Variants in NRXN3 observed in about 807,000 individuals in gnomAD.
NRXN3 encodes the protein neurexin 3, also known as neurexin III.
NRXN3 carries 32 observed loss-of-function variants against 137.6 expected under a neutral mutation model. That is an observed-to-expected ratio of 0.23 (90% confidence interval 0.18 to 0.31). NRXN3 has a LOEUF of 0.31. Ranked by LOEUF, NRXN3 falls within the 10% of genes least tolerant of loss-of-function variation. The pLI is 1.00. For synonymous variants in NRXN3, 798 were observed against 784.5 expected, an observed-to-expected ratio of 1.02 and a Z score of -0.29; for missense variants, 1,574 against 2,062.5, an observed-to-expected ratio of 0.76 and a Z score of 4.59.
chr14:79,769,934 C>A (rs1393127486), intron 19 of NRXN3, among the ~76,000 whole-genome samples: 1 of 151,882 alleles, frequency 6.6e-6, no homozygotes, highest in Non-Finnish European at 1.5e-5. Flanking sequence ...GGAAGATCTA[C>A]CAAGCAAATG....
chr14:78,928,454 T>TC (rs1348337663), intron 10 of NRXN3, among the ~76,000 whole-genome samples: 2 of 152,040 alleles, frequency 1.3e-5, no homozygotes, highest in Admixed American at 6.6e-5. Flanking sequence ...TCCCCCTTAC[T>TC]CCCACCCCAC....
At chr14:79,365,734 AAAAAAAAAAAG>A (rs1346378246) in intron 15 of NRXN3, among the ~76,000 whole-genome samples, 12 of 146,168 alleles carry the variant, frequency 8.2e-5, no homozygotes, top group Non-Finnish European at 1.4e-4. Context: ...TCAAAAAAAA[AAAAAAAAAAAG>A]AAAAAAAAGA....
intron 14 of NRXN3, among the ~76,000 whole-genome samples, 177 bp downstream of exon 14, chr14:78,968,523 T>A (rs1201949230): frequency 2.0e-5 from 3 of 152,180 alleles, no homozygotes; most frequent in Non-Finnish European, 4.4e-5. Context: ...TCAAGACATG[T>A]GCCACAGGCT....
chr14:79,625,124 G>C (rs1361867369), intron 16 of NRXN3, among the ~76,000 whole-genome samples: 1 of 152,066 alleles, frequency 6.6e-6, no homozygotes, highest in Admixed American at 6.5e-5. Context: ...TGCTGTGTCT[G>C]GCTTATTTCA....
intron 8 of NRXN3, among the ~76,000 whole-genome samples, chr14:78,780,092 G>A (rs2153025263): frequency 6.6e-6 from 1 of 152,134 alleles, no homozygotes; most frequent in South Asian, 2.1e-4. Flanking sequence ...TAAGACAGTG[G>A]GACATCGACA....
intron 20 of NRXN3, chr14:79,853,527 C>G: frequency 7.4e-7 from 1 of 1,346,236 alleles, no homozygotes; most frequent in Non-Finnish European, 9.8e-7. Flanking sequence ...ATTGCCCATC[C>G]CTTCCTTACA....
At chr14:79,472,792 G>A (rs974772745) in intron 16 of NRXN3, among the ~76,000 whole-genome samples, 1 of 151,642 alleles carries the variant, frequency 6.6e-6, no homozygotes, top group Non-Finnish European at 1.5e-5. Context: ...ATACAACAGG[G>A]AAAAAAAACT....
At chr14:78,717,978 C>G (rs1236990693) in intron 8 of NRXN3, among the ~76,000 whole-genome samples, 4 of 152,052 alleles carry the variant, frequency 2.6e-5, no homozygotes, top group Non-Finnish European at 5.9e-5. Context: ...TTTAGATTTC[C>G]TATTTCTAAC....
chr14:78,888,763 T>C (rs963416585), intron 10 of NRXN3, among the ~76,000 whole-genome samples: 1 of 151,868 alleles, frequency 6.6e-6, no homozygotes. Context: ...CAGCCAGGTA[T>C]AAGAAATTAC....
intron 15 of NRXN3, among the ~76,000 whole-genome samples, chr14:79,304,082 G>A (rs925373365): frequency 7.9e-5 from 12 of 152,202 alleles, no homozygotes; most frequent in East Asian, 3.9e-4. Flanking sequence ...CAAGGGAAAC[G>A]TGCTAGCTGA....
At chr14:78,307,965 C>G (rs1395830481) in intron 4 of NRXN3, among the ~76,000 whole-genome samples, 2 of 152,116 alleles carry the variant, frequency 1.3e-5, no homozygotes, top group African/African-American at 4.8e-5. Context: ...TCCCCCAACC[C>G]ACACAAAACA....
chr14:79,148,882 T>C (rs1178865633), intron 15 of NRXN3, among the ~76,000 whole-genome samples: 1 of 152,160 alleles, frequency 6.6e-6, no homozygotes, highest in Non-Finnish European at 1.5e-5. Context: ...TCTTATTCTT[T>C]TTTGTGGAAA....
intron 20 of NRXN3, among the ~76,000 whole-genome samples, chr14:79,858,335 CT>C (rs1195239579): frequency 6.6e-6 from 1 of 152,040 alleles, no homozygotes; most frequent in Non-Finnish European, 1.5e-5. Context: ...AAATTTAAGA[CT>C]CCGGTTGGGT....
At chr14:79,745,211 C>T (rs1298412677) in intron 19 of NRXN3, among the ~76,000 whole-genome samples, 1 of 152,108 alleles carries the variant, frequency 6.6e-6, no homozygotes, top group Non-Finnish European at 1.5e-5. Context: ...AGATTCTTCT[C>T]TCTGCCATCC....
chr14:79,790,157 G>A (rs1338900572), intron 19 of NRXN3, among the ~76,000 whole-genome samples: 1 of 152,050 alleles, frequency 6.6e-6, no homozygotes, highest in African/African-American at 2.4e-5. Context: ...GAGAAAAGAG[G>A]TTTATTTGGC....
In NRXN3 at chr14:79,337,038, A is replaced by G. The variant is rs565995904; in HGVS notation, c.3263-130183A>G. ...AAAAACGCTTCACCTATTTCTTGAA[A>G]AATGACCGACAAGATGTTTTTCGTC... On this transcript the variant is annotated intron_variant, in intron 15 of 20. Coordinates refer to ENST00000335750, the MANE Select transcript of NRXN3 (RefSeq NM_001330195.2). Among the ~76,000 whole-genome samples, 8 of 152,348 alleles carry G rather than the reference A, an allele frequency of 5.3e-5. 1 individual carries two copies. Among genetic ancestry groups the G allele is most frequent in the African/African-American group, 1.9e-4 (8 of 41,592 alleles).
chr14:78,761,103 A>G (rs2098690947), intron 8 of NRXN3, among the ~76,000 whole-genome samples: 1 of 152,212 alleles, frequency 6.6e-6, no homozygotes, highest in African/African-American at 2.4e-5. Flanking sequence ...AAAGGAAATT[A>G]TTCATAAAAA....
At chr14:78,194,914 G>A (rs958041758) in intron 1 of NRXN3, among the ~76,000 whole-genome samples, 5 of 152,330 alleles carry the variant, frequency 3.3e-5, no homozygotes, top group South Asian at 2.1e-4. Flanking sequence ...AATCTGCAAC[G>A]TGTGCAGATG....
intron 15 of NRXN3, among the ~76,000 whole-genome samples, chr14:78,992,304 G>A (rs371875283): frequency 3.1e-4 from 47 of 152,256 alleles, no homozygotes; most frequent in African/African-American, 1.1e-3. Context: ...TTCAGTTCTC[G>A]TGAAACATTT....
Sources: allele counts gnomAD v4.1 joint callset (sites outside exome capture counted in the v4.1 genomes callset), GRCh38; gene constraint gnomAD v4.1.1; transcripts MANE v1.5; gene names NCBI Gene and HGNC (gene_info 2026-07-23, HGNC 2026-07-21).